Variants in PCSK1 observed in about 807,000 individuals in gnomAD.
PCSK1 encodes the protein proprotein convertase subtilisin/kexin type 1.
PCSK1 carries 56 observed loss-of-function variants against 90.6 expected under a neutral mutation model. That is an observed-to-expected ratio of 0.62 (90% CI 0.50 to 0.77). The LOEUF (loss-of-function observed/expected upper bound fraction) is 0.77, where lower values mean the gene tolerates loss of function less well. PCSK1 is among the 30% of genes least tolerant of loss of function. The pLI is 0.00. For missense variants in PCSK1, 801 were observed against 932.6 expected, an observed-to-expected ratio of 0.86 and a Z score of 1.84; for synonymous variants, 348 against 342.4, an observed-to-expected ratio of 1.02 and a Z score of -0.18.
chr5:96,401,589 A>G (rs571923559), intron 9 of PCSK1, among the ~76,000 whole-genome samples: 26 of 152,370 alleles, frequency 1.7e-4, no homozygotes, highest in African/African-American at 6.3e-4. Context: ...TGGATCTATT[A>G]TACTATGATG....
At chr5:96,409,533 T>A (rs1338386338) in intron 8 of PCSK1, among the ~76,000 whole-genome samples, 1 of 152,216 alleles carries the variant, frequency 6.6e-6, no homozygotes, top group Non-Finnish European at 1.5e-5. Flanking sequence ...CTGGCTTTCT[T>A]AAGGAGGGAG....
chr5:96,431,815 C>T (rs1761509266), intron 1 of PCSK1, among the ~76,000 whole-genome samples: 1 of 152,114 alleles, frequency 6.6e-6, no homozygotes, highest in African/African-American at 2.4e-5. Flanking sequence ...AGAAAAAACG[C>T]GCCAAAATGT....
chr5:96,432,694 G>C (rs2112455098), intron 1 of PCSK1, among the ~76,000 whole-genome samples, 169 bp downstream of exon 1: 1 of 152,258 alleles, frequency 6.6e-6, no homozygotes, highest in Middle Eastern at 3.4e-3. Context: ...AATAATGCAA[G>C]CTTTCTCTCT....
At chr5:96,415,024 C>A (rs1034139283) in intron 6 of PCSK1, among the ~76,000 whole-genome samples, 3 of 152,144 alleles carry the variant, frequency 2.0e-5, no homozygotes, top group Non-Finnish European at 4.4e-5. Flanking sequence ...AAATGTTCTA[C>A]AATTGATTCT....
intron 9 of PCSK1, 145 bp downstream of exon 9, chr5:96,408,078 G>A: frequency 4.3e-6 from 3 of 694,422 alleles, no homozygotes; most frequent in Non-Finnish European, 5.3e-6. Flanking sequence ...TATGGTTAGT[G>A]ACCTCGAAGT....
intron 12 of PCSK1, among the ~76,000 whole-genome samples, chr5:96,395,840 AAAT>A (rs1760121660): frequency 4.1e-5 from 3 of 73,348 alleles, no homozygotes; most frequent in Non-Finnish European, 7.6e-5. Context: ...AAAAATAAAT[AAAT>A]AAGAGGTCTA....
rs1183834772 is a variant in PCSK1, at chr5:96,410,810, G to A, written c.1059C>T (p.Thr353=). 60 of 1,613,966 alleles carry A rather than the reference G, an allele frequency of 3.7e-5. No individual in the cohort carries two copies. The highest frequency in any genetic ancestry group is 4.8e-5 in the Non-Finnish European group (57 of 1,179,970). ...CGGTGTAATCTCCGCTGCTGTAAGA[G>A]GTGGCCAGTGTGGAGGAGCACTTCT... ...YAEKCSSTLA[T]SYSSGDYTDQ... is the part of the protein sequence containing the mutation. The change falls in exon 8 of 14, where the codon ACC becomes ACT. Residue 353 remains threonine, a synonymous_variant. Coordinates refer to ENST00000311106, the MANE Select transcript of PCSK1 (RefSeq NM_000439.5).
intron 1 of PCSK1, 70 bp downstream of exon 1, chr5:96,432,792 TG>T: frequency 7.5e-7 from 1 of 1,341,174 alleles, no homozygotes. Context: ...GGCTCCCACT[TG>T]GAAGACCGCG....
chr5:96,425,507 C>T (rs956239705), intron 3 of PCSK1, among the ~76,000 whole-genome samples: 3 of 152,062 alleles, frequency 2.0e-5, no homozygotes, highest in Admixed American at 6.5e-5. Context: ...GAGATTTTTG[C>T]CACAAGTACT....
chr5:96,425,508 C>T (rs1761278754), intron 3 of PCSK1, among the ~76,000 whole-genome samples: 2 of 152,122 alleles, frequency 1.3e-5, no homozygotes, highest in South Asian at 4.1e-4. Flanking sequence ...AGATTTTTGC[C>T]ACAAGTACTG....
intron 9 of PCSK1, among the ~76,000 whole-genome samples, chr5:96,401,338 A>G (rs1760367184): frequency 6.6e-6 from 1 of 152,168 alleles, no homozygotes. Context: ...CAAAAGCACC[A>G]AAGTGGGACA....
chr5:96,423,567 T>A, intron 3 of PCSK1, 108 bp from the exon 4 acceptor site: 1 of 1,003,452 alleles, frequency 1.0e-6, no homozygotes, highest in Non-Finnish European at 1.6e-6. Flanking sequence ...CTTGGGTCAC[T>A]CTACTCTTTA....
intron 10 of PCSK1, 28 bp downstream of exon 10, chr5:96,399,923 CAT>C (rs765454052): frequency 3.3e-6 from 5 of 1,505,018 alleles, no homozygotes; most frequent in South Asian, 1.1e-5. Context: ...CATGGGCACA[CAT>C]GTGTTTAAAA....
At chr5:96,412,291 C>A (rs1301978176) in intron 7 of PCSK1, 27 bp downstream of exon 7, 3 of 1,600,168 alleles carry the variant, frequency 1.9e-6, no homozygotes, top group Non-Finnish European at 2.6e-6. Flanking sequence ...GGTTTCATTT[C>A]ATGTGGGTCT....
intron 5 of PCSK1, among the ~76,000 whole-genome samples, chr5:96,419,005 T>C (rs1352395674): frequency 6.6e-6 from 1 of 152,086 alleles, no homozygotes; most frequent in Non-Finnish European, 1.5e-5. Flanking sequence ...AACACTTACT[T>C]AACTTTTTTG....
intron 2 of PCSK1, among the ~76,000 whole-genome samples, chr5:96,428,087 C>T (rs1011468546): frequency 3.3e-5 from 5 of 152,130 alleles, no homozygotes; most frequent in Non-Finnish European, 5.9e-5. Flanking sequence ...TACATTCGAA[C>T]ACTGGTGACC....
intron 9 of PCSK1, among the ~76,000 whole-genome samples, chr5:96,407,484 T>C (rs116145780): frequency 0.02 from 3,052 of 152,308 alleles, 104 homozygotes; most frequent in African/African-American, 0.07. Flanking sequence ...TTCACACATA[T>C]ATTCCTGGAG....
intron 6 of PCSK1, among the ~76,000 whole-genome samples, chr5:96,412,752 G>GTTTTTTTTTTTTTGTTTTTTTTTT (rs1554058734): frequency 4.2e-5 from 3 of 71,828 alleles, no homozygotes; most frequent in African/African-American, 2.7e-4. Flanking sequence ...CAGCTGTGAT[G>GTTTTTTTTTTTTTGTTTTTTTTTT]TTTTTTTTTT....
intron 8 of PCSK1, among the ~76,000 whole-genome samples, chr5:96,409,752 G>A (rs1459474613): frequency 4.6e-5 from 7 of 152,178 alleles, no homozygotes; most frequent in Non-Finnish European, 8.8e-5. Context: ...AAATGTGCCT[G>A]CCATAAAACC....
Sources: allele counts gnomAD v4.1 joint callset (sites outside exome capture counted in the v4.1 genomes callset), GRCh38; gene constraint gnomAD v4.1.1; transcripts MANE v1.5; gene names NCBI Gene and HGNC (gene_info 2026-07-23, HGNC 2026-07-21).